Variants in IKZF3 observed in about 807,000 individuals in gnomAD.
The protein encoded by IKZF3 is zinc finger protein Aiolos.
A neutral mutation model predicts 49.0 loss-of-function variants in IKZF3; 10 were observed. That is an observed-to-expected ratio of 0.20 (90% CI 0.13 to 0.35). IKZF3 has a LOEUF of 0.35. Among genes scored for constraint, IKZF3 ranks in the 10% least tolerant of loss-of-function variants. IKZF3 has a pLI of 1.00. For missense variants in IKZF3, 498 were observed against 664.8 expected, an observed-to-expected ratio of 0.75 and a Z score of 2.76; for synonymous variants, 209 against 228.2, an observed-to-expected ratio of 0.92 and a Z score of 0.76.
At chr17:39,797,131 C>T (rs985247600) in intron 3 of IKZF3, among the ~76,000 whole-genome samples, 19 of 151,038 alleles carry the variant, frequency 1.3e-4, no homozygotes, top group African/African-American at 4.6e-4. Flanking sequence ...CACCACTGCA[C>T]TCCAGCTTGG....
chr17:39,778,665 A>G (rs1180495596), intron 6 of IKZF3, among the ~76,000 whole-genome samples: 1 of 152,060 alleles, frequency 6.6e-6, no homozygotes, highest in African/African-American at 2.4e-5. Flanking sequence ...GCCTGGTGTG[A>G]TGGTGCATGC....
chr17:39,797,720 G>GC (rs1451448592), intron 3 of IKZF3, among the ~76,000 whole-genome samples: 1 of 151,948 alleles, frequency 6.6e-6, no homozygotes, highest in Non-Finnish European at 1.5e-5. Flanking sequence ...ACCGTGCCCG[G>GC]CCCCTGCACT....
At chr17:39,802,777 T>C (rs1247964417) in intron 3 of IKZF3, among the ~76,000 whole-genome samples, 2 of 147,518 alleles carry the variant, frequency 1.4e-5, no homozygotes, top group African/African-American at 5.0e-5. Context: ...GCTGTGATCA[T>C]GCCACTGTAC....
At chr17:39,855,833 A>T (rs547924577) in intron 1 of IKZF3, among the ~76,000 whole-genome samples, 22 of 152,272 alleles carry the variant, frequency 1.4e-4, no homozygotes, top group Admixed American at 2.6e-4. Context: ...TGAATCACAA[A>T]AATATTTAAC....
chr17:39,788,942 G>GT (rs1015003734), intron 5 of IKZF3, among the ~76,000 whole-genome samples: 1 of 151,938 alleles, frequency 6.6e-6, no homozygotes, highest in Non-Finnish European at 1.5e-5. Context: ...GGATTTTTTT[G>GT]TTTTTTTGTT....
At chr17:39,822,582 C>CT (rs536009534) in intron 3 of IKZF3, among the ~76,000 whole-genome samples, 2,684 of 132,980 alleles carry the variant, frequency 0.02, 53 homozygotes, top group Non-Finnish European at 0.027. Context: ...GTATTTCTTT[C>CT]TTTTTTTTTT....
intron 5 of IKZF3, among the ~76,000 whole-genome samples, chr17:39,790,582 A>T (rs933549218): frequency 6.6e-6 from 1 of 152,210 alleles, no homozygotes; most frequent in South Asian, 2.1e-4. Context: ...AAATTTTGCC[A>T]GATAACATCA....
chr17:39,778,448 G>A (rs2060646429), intron 6 of IKZF3, among the ~76,000 whole-genome samples: 1 of 151,938 alleles, frequency 6.6e-6, no homozygotes. Context: ...CTTCTGCCTT[G>A]AAATTAAAGA....
At chr17:39,768,711 G>A (rs530697562) in intron 7 of IKZF3, among the ~76,000 whole-genome samples, 3 of 152,146 alleles carry the variant, frequency 2.0e-5, no homozygotes, top group Non-Finnish European at 4.4e-5. Flanking sequence ...CTTGGTAAAT[G>A]CTTGGGTTTT....
intron 3 of IKZF3, among the ~76,000 whole-genome samples, chr17:39,814,300 G>A (rs982498093): frequency 1.3e-5 from 2 of 152,058 alleles, no homozygotes; most frequent in African/African-American, 4.8e-5. Flanking sequence ...TTTTCTCTTG[G>A]AATCAGGCAA....
chr17:39,852,512 G>A (rs1288548205), intron 1 of IKZF3, among the ~76,000 whole-genome samples: 3 of 152,028 alleles, frequency 2.0e-5, no homozygotes, highest in East Asian at 1.9e-4. Context: ...CTTGAATTCC[G>A]TTACACCACA....
rs565685444 is a variant in IKZF3 at position 39,762,613 on chromosome 17, G to T, written c.*3177C>A. 2 of 152,316 alleles carry T rather than the reference G, an allele frequency of 1.3e-5. No individual in the cohort carries two copies. Among genetic ancestry groups the T allele is most frequent in the Non-Finnish European group, 2.9e-5 (2 of 68,118 alleles). 9.4% of individuals were successfully genotyped at this position (152,316 alleles called of 1,614,324 possible). On this transcript the variant is annotated 3_prime_UTR_variant, in exon 8 of 8. Coordinates refer to ENST00000346872, the MANE Select transcript of IKZF3 (RefSeq NM_012481.5). ...TGCAAAAGGTGGTCTCAGGCTGGGT[G>T]CGGTAGCTCATGCCTGTAATCCCAG...
At chr17:39,774,432 T>C (rs1340574971) in intron 7 of IKZF3, among the ~76,000 whole-genome samples, 3 of 151,408 alleles carry the variant, frequency 2.0e-5, no homozygotes, top group East Asian at 3.9e-4. Flanking sequence ...AGAGGTGAGG[T>C]GAGGCGAGGC....
chr17:39,779,603 T>C (rs1048089384), intron 6 of IKZF3, among the ~76,000 whole-genome samples: 1 of 151,488 alleles, frequency 6.6e-6, no homozygotes, highest in African/African-American at 2.4e-5. Context: ...CAGTAAATTT[T>C]AAAAATTTGC....
chr17:39,771,031 CACAA>C (rs978661189), intron 7 of IKZF3, among the ~76,000 whole-genome samples: 3 of 152,128 alleles, frequency 2.0e-5, no homozygotes, highest in Non-Finnish European at 4.4e-5. Flanking sequence ...GAACCTAAAG[CACAA>C]ACAGTTTGAT....
chr17:39,782,412 AAC>A (rs58566623), intron 6 of IKZF3, among the ~76,000 whole-genome samples: 13,579 of 150,494 alleles, frequency 0.09, 1,203 homozygotes, highest in African/African-American at 0.23. Flanking sequence ...CAACAACAAC[AAC>A]ACACACACAC....
intron 1 of IKZF3, among the ~76,000 whole-genome samples, chr17:39,838,666 C>T (rs1162527165): frequency 3.3e-5 from 5 of 152,128 alleles, no homozygotes; most frequent in African/African-American, 1.2e-4. Flanking sequence ...ATTATGTATG[C>T]CATCTTGAGG....
intron 1 of IKZF3, among the ~76,000 whole-genome samples, chr17:39,851,011 TATATACAC>T (rs1186760430): frequency 6.9e-6 from 1 of 144,974 alleles, no homozygotes; most frequent in Non-Finnish European, 1.5e-5. Flanking sequence ...ATGTATATAT[TATATACAC>T]GTATGTTATA....
At chr17:39,832,048 T>C (rs566104023) in intron 2 of IKZF3, 50 bp downstream of exon 2, 71 of 1,337,648 alleles carry the variant, frequency 5.3e-5, no homozygotes, top group Middle Eastern at 1.8e-4. Flanking sequence ...CTCTCTTTGG[T>C]ATTTTTTTTA....
Sources: allele counts gnomAD v4.1 joint callset (sites outside exome capture counted in the v4.1 genomes callset), GRCh38; gene constraint gnomAD v4.1.1; transcripts MANE v1.5; gene names NCBI Gene and HGNC (gene_info 2026-07-23, HGNC 2026-07-21).